Variants in KRT85 observed in about 807,000 individuals in gnomAD.
KRT85 encodes the protein keratin 85, also known as keratin, type II cuticular Hb5.
In KRT85, 39 loss-of-function variants were observed where a neutral mutation model predicts 53.7. The ratio of observed to expected loss-of-function variants is 0.73; its 90% CI spans 0.56 to 0.95. The LOEUF (loss-of-function observed/expected upper bound fraction) is 0.95, where lower values mean the gene tolerates loss of function less well. Ranked by LOEUF, KRT85 falls within the 40% of genes least tolerant of loss-of-function variation. KRT85 has a pLI of 0.00. For synonymous variants in KRT85, 291 were observed against 277.5 expected (o/e 1.05, Z -0.48); for missense variants, 668 against 686.0 (o/e 0.97, Z 0.29).
At chr12:52,362,753 C>T in intron 6 of KRT85, 101 bp downstream of exon 6, 2 of 1,572,102 alleles carry the variant, frequency 1.3e-6, no homozygotes, top group East Asian at 2.2e-5. Context: ...CCTCCCTTCC[C>T]TCTGGGTCCC....
chr12:52,366,680 C>T (rs1367153956), intron 1 of KRT85, among the ~76,000 whole-genome samples: 1 of 152,050 alleles, frequency 6.6e-6, no homozygotes, highest in East Asian at 1.9e-4. Context: ...CACATGTACA[C>T]ACACACATAT....
rs1051155059 is a variant in KRT85, at chr12:52,364,217, G to A, written c.691-54C>T. ...TGCATGTGAGAGGAGACCAAAGAAAGGTGCCTTTGGTCAGCATGGTGACCC... is the reference window on the plus strand; with the variant it reads ...TGCATGTGAGAGGAGACCAAAGAAAAGTGCCTTTGGTCAGCATGGTGACCC... On this transcript the variant is annotated intron_variant, in intron 3 of 8. Transcript: ENST00000257901. 1.6e-5 allele frequency: 25 copies of A among 1,610,158 alleles called. No individual in the cohort carries two copies. The African/African-American group carries it at 3.2e-4, about 21-fold the overall frequency.
chr12:52,366,854 C>G, intron 1 of KRT85, 132 bp downstream of exon 1: 1 of 1,442,014 alleles, frequency 6.9e-7, no homozygotes. Context: ...GACCCTTCCA[C>G]CTGTATGGGT....
At chr12:52,361,643 G>T in intron 7 of KRT85, 145 bp from the exon 8 acceptor site, 1 of 766,436 alleles carries the variant, frequency 1.3e-6, no homozygotes, top group Non-Finnish European at 2.3e-6. Context: ...TGCATTAAAT[G>T]CTTTCTTTCT....
At chr12:52,366,843 T>C (rs1939278883) in intron 1 of KRT85, 143 bp downstream of exon 1, 2 of 1,368,452 alleles carry the variant, frequency 1.5e-6, no homozygotes, top group East Asian at 2.3e-5. Flanking sequence ...TGATGGAAAC[T>C]GACCCTTCCA....
At chr12:52,362,135 G>A in intron 7 of KRT85, 116 bp downstream of exon 7, 2 of 1,194,912 alleles carry the variant, frequency 1.7e-6, no homozygotes, top group South Asian at 2.5e-5. Flanking sequence ...TATTATTATT[G>A]AAGCTATTGT....
chr12:52,364,062 C>G lies in KRT85; in HGVS notation c.786+6G>C, dbSNP rs752891639. On this transcript the variant is annotated splice_donor_region_variant and intron_variant, in intron 4 of 8. Transcript: ENST00000257901. ...TGCCCTGGCTGGGTGGCAGTTGCCCCCTTACCTCTTCATAGAGGCGCCTCA... is the reference window on the plus strand; with the variant it reads ...TGCCCTGGCTGGGTGGCAGTTGCCCGCTTACCTCTTCATAGAGGCGCCTCA... The G allele has an allele frequency of 6.2e-7, 1 of 1,612,428 alleles. No individual in the cohort carries two copies. The highest frequency in any genetic ancestry group is 8.5e-7 in the Non-Finnish European group (1 of 1,179,208).
Position 52,360,405 on chromosome 12 carries a change from C to T in KRT85, c.*448G>A. 1 of 238,616 alleles carries T rather than the reference C, an allele frequency of 4.2e-6. No individual in the cohort carries two copies. Among genetic ancestry groups the T allele is most frequent in the Admixed American group, 5.2e-5 (1 of 19,302 alleles). The allele number at this position is 238,616 out of a possible 1,614,324, so 14.8% of individuals were successfully genotyped here. The stretch of plus-strand genomic sequence containing the variant: ...GGCAAGTGCTTGCTGGGGGACCATT[C>T]TTCCCAGCCAGGAGGAGGGGGCTGC... On this transcript the variant is annotated 3_prime_UTR_variant, in exon 9 of 9. Transcript: ENST00000257901.
intron 1 of KRT85, among the ~76,000 whole-genome samples, chr12:52,365,867 C>T (rs1289925181): frequency 6.6e-6 from 1 of 152,170 alleles, no homozygotes; most frequent in Admixed American, 6.5e-5. Flanking sequence ...CTGAGATGCT[C>T]GTATACACCC....
chr12:52,360,592 A>C lies in KRT85; in HGVS notation c.*261T>G. 1 of 547,534 alleles carries C rather than the reference A, an allele frequency of 1.8e-6. No individual in the cohort carries two copies. Among genetic ancestry groups the C allele is most frequent in the Non-Finnish European group, 3.3e-6 (1 of 303,918 alleles). The allele number at this position is 547,534 out of a possible 1,614,324, so 33.9% of individuals were successfully genotyped here. A position where few individuals can be genotyped will look rare whatever the true frequency, so the allele number is the denominator to read the frequency against. ...GGAATAATACAAATTGGATACAGGT[A>C]TTTTGGAGCTAAGTAGGAGTTAAGT... On this transcript the variant is annotated 3_prime_UTR_variant, in exon 9 of 9. Coordinates refer to ENST00000257901, the MANE Select transcript of KRT85 (RefSeq NM_002283.4).
intron 5 of KRT85, 33 bp downstream of exon 5, chr12:52,363,213 A>G (rs368606625): frequency 1.7e-4 from 275 of 1,613,138 alleles, no homozygotes; most frequent in Non-Finnish European, 2.1e-4. Flanking sequence ...TCCCACTGCC[A>G]TGCTTAGCAG....
intron 7 of KRT85, among the ~76,000 whole-genome samples, chr12:52,361,894 A>C (rs928056842): frequency 6.6e-6 from 1 of 152,256 alleles, no homozygotes; most frequent in South Asian, 2.1e-4. Context: ...CAGCAGCTTC[A>C]GTAGGAAGCT....
Position 52,362,437 on chromosome 12 carries a change from T to G in KRT85, c.1112A>C (p.Glu371Ala). The change falls in exon 7 of 9, where the codon GAG becomes GCG. Residue 371 changes from glutamate (E) to alanine (A), a missense_variant. Physicochemically the swap from Glu to Ala is moderately radical, Grantham distance 107. This residue lies in a region of KRT85 where 488 missense variants were observed against 498.1 expected (regional missense o/e 0.98). Coordinates refer to ENST00000257901, the MANE Select transcript of KRT85 (RefSeq NM_002283.4). ...AKLEAAVAEA[E>A]QQGEAALSDA... ...GCTGAGGGCCGCCTCACCCTGCTGCTCTGCCTCAGCCACAGCAGCCTCCAG... is the reference window on the plus strand; with the variant it reads ...GCTGAGGGCCGCCTCACCCTGCTGCGCTGCCTCAGCCACAGCAGCCTCCAG... The G allele has an allele frequency of 1.2e-6, 2 of 1,614,154 alleles. No individual in the cohort carries two copies. The highest frequency in any genetic ancestry group is 1.7e-6 in the Non-Finnish European group (2 of 1,180,032).
chr12:52,362,930 C>T lies in KRT85; in HGVS notation c.1001G>A (p.Arg334His), dbSNP rs375294584. The change falls in exon 6 of 9, where the codon CGC becomes CAC. Residue 334 changes from arginine to histidine, a missense_variant. By Grantham distance (29) the Arg-to-His change is conservative. Coordinates refer to ENST00000257901, the MANE Select transcript of KRT85 (RefSeq NM_002283.4). ...CAGCTCGTTGATCTCCTCCTTGGTG[C>T]GGCGCAGGGTCTCCCCATGCCTGAT... ...TVIRHGETLR[R>H]TKEEINELNR... is the part of the protein sequence containing the mutation. 2.9e-5 allele frequency: 46 copies of T among 1,614,004 alleles called. No individual in the cohort carries two copies. The highest frequency in any genetic ancestry group is 5.3e-5 in the African/African-American group (4 of 74,908).
Position 52,363,508 on chromosome 12 carries a change from G to A in KRT85, c.787-98C>T, listed in dbSNP as rs557126652. Reference sequence around the variant, plus strand: ...TGTCCACTTCCCAGACCGGGCACTGGTCATGAAGGTTACATGACTCCTGCT... The same window carrying A: ...TGTCCACTTCCCAGACCGGGCACTGATCATGAAGGTTACATGACTCCTGCT... On this transcript the variant is annotated intron_variant, in intron 4 of 8. Coordinates refer to ENST00000257901, the MANE Select transcript of KRT85 (RefSeq NM_002283.4). 4.5e-6 allele frequency: 6 copies of A among 1,327,236 alleles called. 1 individual carries two copies. The highest frequency in any genetic ancestry group is 3.2e-6 in the Non-Finnish European group (3 of 931,632). 82.2% of individuals were successfully genotyped at this position (1,327,236 alleles called of 1,614,324 possible). A position where few individuals can be genotyped will look rare whatever the true frequency, so the allele number is the denominator to read the frequency against.
At chr12:52,361,152 G>T in intron 8 of KRT85, 106 bp from the exon 9 acceptor site, 1 of 1,015,414 alleles carries the variant, frequency 9.8e-7, no homozygotes, top group Non-Finnish European at 1.5e-6. Flanking sequence ...CCAAGGAATT[G>T]GTGGTCAACA....
chr12:52,366,155 T>C lies in KRT85; in HGVS notation c.420+831A>G, dbSNP rs12308514. Among the ~76,000 whole-genome samples, 3,831 of 152,320 alleles carry C rather than the reference T, an allele frequency of 0.025. 598 individuals carry two copies. The East Asian group carries it at 0.46, about 18-fold the overall frequency. Reference sequence around the variant, plus strand: ...TATGCAGCGTTCTCCACACTCTGGCTGCATTAGGGGGCCTCCTCCTACCAG... The same window carrying C: ...TATGCAGCGTTCTCCACACTCTGGCCGCATTAGGGGGCCTCCTCCTACCAG... On this transcript the variant is annotated intron_variant, in intron 1 of 8. Transcript: ENST00000257901.
intron 2 of KRT85, 98 bp downstream of exon 2, chr12:52,364,864 G>C: frequency 6.2e-7 from 1 of 1,601,608 alleles, no homozygotes; most frequent in African/African-American, 1.3e-5. Flanking sequence ...CAGCCTGCTA[G>C]AGGAATCTGA....
chr12:52,362,044 A>G (rs983690117), intron 7 of KRT85, among the ~76,000 whole-genome samples: 3 of 152,228 alleles, frequency 2.0e-5, no homozygotes, highest in African/African-American at 4.8e-5. Context: ...GGGAAAAACC[A>G]TATCTATCTT....
Sources: allele counts gnomAD v4.1 joint callset (sites outside exome capture counted in the v4.1 genomes callset), GRCh38; gene constraint gnomAD v4.1.1; regional missense constraint gnomAD v4.1.1; transcripts MANE v1.5; gene names NCBI Gene and HGNC (gene_info 2026-07-23, HGNC 2026-07-21).